Variants in PZP observed in about 807,000 individuals in gnomAD.
The protein encoded by PZP is PZP alpha-2-macroglobulin like, also known as pregnancy zone protein.
Under a neutral mutation model 179.8 loss-of-function variants are expected in PZP, and 150 were observed. That is an observed-to-expected ratio of 0.83 (90% CI 0.73 to 0.96). The LOEUF (loss-of-function observed/expected upper bound fraction) is 0.96. Ranked by LOEUF, PZP falls within the 40% of genes least tolerant of loss-of-function variation. The pLI is 0.00. For missense variants in PZP, 1,689 were observed against 1,764.0 expected, an observed-to-expected ratio of 0.96 and a Z score of 0.76; for synonymous variants, 624 against 652.3, an observed-to-expected ratio of 0.96 and a Z score of 0.66.
intron 1 of PZP, among the ~76,000 whole-genome samples, chr12:9,205,025 G>C (rs943397885): frequency 2.6e-5 from 4 of 152,110 alleles, no homozygotes; most frequent in South Asian, 2.1e-4. Flanking sequence ...TTAAGCCCAC[G>C]AGGTTGAGGC....
chr12:9,200,523 A>G, intron 6 of PZP, 75 bp from the exon 7 acceptor site: 1 of 1,202,680 alleles, frequency 8.3e-7, no homozygotes, highest in Non-Finnish European at 1.2e-6. Flanking sequence ...CAGTATGTCT[A>G]TAATTTTTCC....
chr12:9,181,856 T>A, intron 14 of PZP, 119 bp downstream of exon 14: 1 of 1,122,516 alleles, frequency 8.9e-7, no homozygotes. Flanking sequence ...CATAAACTTG[T>A]TGGGAACTGT....
intron 15 of PZP, among the ~76,000 whole-genome samples, chr12:9,180,331 C>T (rs1032015232): frequency 2.6e-5 from 4 of 152,014 alleles, no homozygotes; most frequent in African/African-American, 9.7e-5. Context: ...AAAAAGAGCC[C>T]GCATCGCCAA....
rs1555178386 is a variant in PZP, at chr12:9,208,252, G to A, written c.83+7C>T. ...CTCTGGAGGAAGGGGTCTTGAGTGA[G>A]ACTTACGGTTCTGTAGAGTTTGAGT... On this transcript the variant is annotated splice_region_variant and intron_variant, in intron 1 of 35. Coordinates refer to ENST00000261336, the MANE Select transcript of PZP (RefSeq NM_002864.3). The A allele has an allele frequency of 6.2e-7, 1 of 1,609,852 alleles. No individual in the cohort carries two copies. Among genetic ancestry groups the A allele is most frequent in the African/African-American group, 1.3e-5 (1 of 74,986 alleles).
chr12:9,165,529 T>A (rs190885075), intron 18 of PZP, among the ~76,000 whole-genome samples, 162 bp from the exon 19 acceptor site: 2 of 152,202 alleles, frequency 1.3e-5, no homozygotes, highest in African/African-American at 4.8e-5. Flanking sequence ...GGGATCTGAG[T>A]TGGGAAAATG....
intron 33 of PZP, 138 bp from the exon 34 acceptor site, chr12:9,150,884 G>A (rs1285717043): frequency 1.6e-6 from 1 of 640,662 alleles, no homozygotes; most frequent in Admixed American, 3.0e-5. Context: ...TGTCAAGATG[G>A]GTTTTAGAAT....
rs751614399 is a variant in PZP at position 9,197,012 on chromosome 12, C to A, written c.867G>T (p.Gln289His). ...CTGAGGGAGAATACCGCCTACTAAC[C>A]TGTTGACTGAATTCCTCACAGACCT... ...KQEVCEEFSQ[Q>H]LNSNGCITQQ... Residue 289 changes from glutamine (Q) to histidine (H), a missense_variant and splice_region_variant, in exon 8 of 36, where the codon CAG becomes CAT. Coordinates refer to ENST00000261336, the MANE Select transcript of PZP (RefSeq NM_002864.3). 1 of 1,596,236 alleles carries A rather than the reference C, an allele frequency of 6.3e-7. No individual in the cohort carries two copies. Among genetic ancestry groups the A allele is most frequent in the East Asian group, 2.2e-5 (1 of 44,766 alleles).
At chr12:9,190,487 C>T (rs748827779) in intron 13 of PZP, among the ~76,000 whole-genome samples, 69 of 151,948 alleles carry the variant, frequency 4.5e-4, no homozygotes, top group African/African-American at 1.7e-3. Context: ...CACAGTGGGG[C>T]CTATCTGAGG....
chr12:9,137,715 C>T, the PZP span, among the ~76,000 whole-genome samples: 1 of 151,906 alleles, frequency 6.6e-6, no homozygotes, highest in Non-Finnish European at 1.5e-5. Flanking sequence ...GTTTTTGTTT[C>T]CAGACACAGG....
chr12:9,172,951 T>C (rs1399113226), intron 15 of PZP, among the ~76,000 whole-genome samples: 2 of 152,232 alleles, frequency 1.3e-5, no homozygotes, highest in African/African-American at 4.8e-5. Flanking sequence ...ATTTAGGACC[T>C]GAACTCAACT....
chr12:9,162,479 T>G, intron 22 of PZP, 118 bp downstream of exon 22: 1 of 741,498 alleles, frequency 1.3e-6, no homozygotes, highest in East Asian at 2.5e-5. Context: ...TTTAGTATTA[T>G]GCTGACTTTC....
At chr12:9,168,588 T>C (rs773083889) in intron 17 of PZP, 3 of 302,230 alleles carry the variant, frequency 9.9e-6, no homozygotes, top group Non-Finnish European at 1.8e-5. Context: ...TCAGAATTAC[T>C]CTTTCTTTCC....
At chr12:9,187,456 G>A (rs982545211) in intron 13 of PZP, among the ~76,000 whole-genome samples, 19 of 152,086 alleles carry the variant, frequency 1.2e-4, no homozygotes, top group Admixed American at 1.1e-3. Flanking sequence ...AGCAAATTTA[G>A]AAAAATGAAA....
intron 21 of PZP, among the ~76,000 whole-genome samples, 183 bp downstream of exon 21, chr12:9,163,485 T>C (rs1319474348): frequency 6.6e-6 from 1 of 151,966 alleles, no homozygotes; most frequent in African/African-American, 2.4e-5. Context: ...CTCAAATAAT[T>C]TGTGAAAAAA....
chr12:9,158,378 T>G (rs754893425), intron 26 of PZP, 42 bp downstream of exon 26: 2 of 1,607,864 alleles, frequency 1.2e-6, no homozygotes, highest in Non-Finnish European at 1.7e-6. Context: ...GGGGATGTTA[T>G]GTTGATGTGT....
intron 14 of PZP, among the ~76,000 whole-genome samples, chr12:9,181,655 TA>T (rs770207222): frequency 2.0e-5 from 3 of 152,236 alleles, no homozygotes; most frequent in Non-Finnish European, 4.4e-5. Flanking sequence ...TGACACATGA[TA>T]AGGTAATTCT....
rs571727100 is a variant in PZP, at chr12:9,201,367, A to T, written c.481-20T>A. ...TGGAATCTATATGATAAAAGGAAAG[A>T]AGAGATGTGATTAGAATTCCAGCAA... On this transcript the variant is annotated intron_variant, in intron 4 of 35. Transcript: ENST00000261336. 2.6e-6 allele frequency: 4 copies of T among 1,548,208 alleles called. No individual in the cohort carries two copies. Among genetic ancestry groups the T allele is most frequent in the African/African-American group, 1.4e-5 (1 of 72,790 alleles).
At chr12:9,156,091 C>A in intron 28 of PZP, 1 of 232,722 alleles carries the variant, frequency 4.3e-6, no homozygotes, top group South Asian at 7.3e-5. Context: ...TTCTGCAGCT[C>A]CTGTTATAAA....
intron 27 of PZP, 47 bp from the exon 28 acceptor site, chr12:9,157,402 C>A: frequency 6.5e-7 from 1 of 1,536,410 alleles, no homozygotes; most frequent in Non-Finnish European, 8.9e-7. Context: ...GAATAGAGGG[C>A]AGAGCAAGCT....
Sources: gnomAD v4.1 joint callset for allele counts (sites outside exome capture counted in the v4.1 genomes callset) on GRCh38, gnomAD v4.1.1 for gene constraint, MANE v1.5 for transcripts, NCBI Gene and HGNC (gene_info 2026-07-23, HGNC 2026-07-21) for gene names.